The following CAMK2D variants were observed in gnomAD, a reference collection of about 807,000 sequenced individuals.
CAMK2D encodes the protein calcium/calmodulin dependent protein kinase II delta, also known as calcium/calmodulin-dependent protein kinase type II subunit delta.
In CAMK2D, 37 loss-of-function variants were observed where a neutral mutation model predicts 84.0. That is an observed-to-expected ratio of 0.44 (90% CI 0.34 to 0.58). CAMK2D has a LOEUF of 0.58. CAMK2D is among the 20% of genes least tolerant of loss of function. CAMK2D has a pLI of 0.02. For synonymous variants in CAMK2D, 202 were observed against 212.5 expected (o/e 0.95, Z 0.43); for missense variants, 448 against 652.5 (o/e 0.69, Z 3.41).
At chr4:113,469,036 T>C (rs1268820371) in intron 16 of CAMK2D, among the ~76,000 whole-genome samples, 1 of 152,234 alleles carries the variant, frequency 6.6e-6, no homozygotes, top group Non-Finnish European at 1.5e-5. Flanking sequence ...GTGGAATTAC[T>C]TTCCATGCAA....
At chr4:113,734,435 GGTA>G (rs955533297) in intron 2 of CAMK2D, among the ~76,000 whole-genome samples, 8 of 151,974 alleles carry the variant, frequency 5.3e-5, no homozygotes, top group African/African-American at 1.9e-4. Flanking sequence ...TACATTCTAA[GGTA>G]GTAGAATTTT....
intron 4 of CAMK2D, among the ~76,000 whole-genome samples, chr4:113,602,422 T>C (rs1418116940): frequency 6.6e-6 from 1 of 152,222 alleles, no homozygotes. Context: ...GATAAAGCTC[T>C]TTGCTTTCCC....
At chr4:113,578,244 C>T (rs954020345) in intron 4 of CAMK2D, among the ~76,000 whole-genome samples, 1 of 152,142 alleles carries the variant, frequency 6.6e-6, no homozygotes, top group Admixed American at 6.6e-5. Context: ...ACATTTCCCC[C>T]TTTATTCAAG....
intron 2 of CAMK2D, among the ~76,000 whole-genome samples, chr4:113,666,766 G>A (rs182729986): frequency 2.3e-3 from 355 of 152,228 alleles, no homozygotes; most frequent in Admixed American, 4.1e-3. Flanking sequence ...GTTGCCCATG[G>A]GAGCATGAAA....
intron 3 of CAMK2D, among the ~76,000 whole-genome samples, chr4:113,620,785 C>T (rs1391875623): frequency 6.6e-6 from 1 of 152,062 alleles, no homozygotes; most frequent in East Asian, 1.9e-4. Flanking sequence ...GGATTACAGG[C>T]GTAAGCCACC....
intron 2 of CAMK2D, among the ~76,000 whole-genome samples, chr4:113,735,578 TAATA>T (rs1214925333): frequency 6.6e-6 from 1 of 152,184 alleles, no homozygotes; most frequent in Non-Finnish European, 1.5e-5. Context: ...AGTGTTTTCA[TAATA>T]AATCATTTAA....
intron 4 of CAMK2D, among the ~76,000 whole-genome samples, chr4:113,587,961 A>C (rs1028880604): frequency 9.9e-5 from 15 of 152,202 alleles, no homozygotes; most frequent in African/African-American, 3.6e-4. Flanking sequence ...AAGAGCAGGC[A>C]GAAAATATTT....
chr4:113,595,480 A>G (rs1241682719), intron 4 of CAMK2D, among the ~76,000 whole-genome samples: 1 of 150,872 alleles, frequency 6.6e-6, no homozygotes, highest in African/African-American at 2.4e-5. Flanking sequence ...GTGTGTACTT[A>G]TGTATAAGTG....
intron 2 of CAMK2D, among the ~76,000 whole-genome samples, chr4:113,703,709 A>G (rs993521498): frequency 2.0e-5 from 3 of 152,190 alleles, no homozygotes; most frequent in African/African-American, 7.2e-5. Flanking sequence ...AAATGTTTGG[A>G]CTTTTAAAGA....
At chr4:113,705,100 G>C (rs1057001982) in intron 2 of CAMK2D, among the ~76,000 whole-genome samples, 1 of 151,448 alleles carries the variant, frequency 6.6e-6, no homozygotes, top group African/African-American at 2.4e-5. Flanking sequence ...CCAGCACTTT[G>C]GGAGGCCAGG....
At chr4:113,661,011 G>A (rs2099228817) in intron 3 of CAMK2D, among the ~76,000 whole-genome samples, 1 of 150,966 alleles carries the variant, frequency 6.6e-6, no homozygotes, top group Non-Finnish European at 1.5e-5. Flanking sequence ...TAGCCAGGAT[G>A]GTCTCCATCT....
intron 3 of CAMK2D, among the ~76,000 whole-genome samples, chr4:113,615,680 T>G (rs1046274932): frequency 6.6e-6 from 1 of 152,194 alleles, no homozygotes; most frequent in African/African-American, 2.4e-5. Flanking sequence ...TGCTGTTTTT[T>G]TGAAATAGAG....
chr4:113,593,314 A>G (rs1207651219), intron 4 of CAMK2D, among the ~76,000 whole-genome samples: 20 of 152,250 alleles, frequency 1.3e-4, no homozygotes, highest in Admixed American at 1.3e-3. Context: ...GTGAGTTTAC[A>G]GTGCAAACTG....
chr4:113,454,533 G>C lies in CAMK2D; in HGVS notation c.*30-18C>G. The C allele has an allele frequency of 1.3e-6, 1 of 777,748 alleles. No individual in the cohort carries two copies. The highest frequency in any genetic ancestry group is 2.4e-6 in the Non-Finnish European group (1 of 416,054). The allele number at this position is 777,748 out of a possible 1,614,324, so 48.2% of individuals were successfully genotyped here. ...AAATTTAGCTGAAAGGAGAAAGGGGGAGGAAGAAATAAATTATATTGTTTT... is the reference window on the plus strand; with the variant it reads ...AAATTTAGCTGAAAGGAGAAAGGGGCAGGAAGAAATAAATTATATTGTTTT... On this transcript the variant is annotated intron_variant, in intron 20 of 20. Coordinates refer to ENST00000511664, the MANE Select transcript of CAMK2D (RefSeq NM_001321571.2).
intron 4 of CAMK2D, among the ~76,000 whole-genome samples, chr4:113,601,871 C>CT (rs2098954712): frequency 6.6e-6 from 1 of 151,320 alleles, no homozygotes; most frequent in African/African-American, 2.4e-5. Context: ...ATTTTTAAAA[C>CT]TTTTTTGTAG....
At chr4:113,541,539 G>A (rs1419412394) in intron 6 of CAMK2D, among the ~76,000 whole-genome samples, 1 of 152,066 alleles carries the variant, frequency 6.6e-6, no homozygotes, top group Non-Finnish European at 1.5e-5. Flanking sequence ...TAGAAGATGT[G>A]CCATCTAAAA....
At chr4:113,601,950 C>G (rs932073776) in intron 4 of CAMK2D, among the ~76,000 whole-genome samples, 3 of 152,032 alleles carry the variant, frequency 2.0e-5, no homozygotes, top group African/African-American at 7.2e-5. Context: ...CCTGTCTCAG[C>G]CTCCCAAAGC....
At position 113,761,430 on chromosome 4, in the gene CAMK2D, C is replaced by A; in HGVS notation, c.-362G>T. ...AATGGAAAAACAGCCAGGCACGGGA[C>A]GAGTGGCAAGCAGTTGCGAAACGAT... is the stretch of plus-strand genomic sequence containing the variant. On this transcript the variant is annotated 5_prime_UTR_variant, in exon 1 of 21. Transcript: ENST00000511664. 2 of 1,189,786 alleles carry A rather than the reference C, an allele frequency of 1.7e-6. No homozygotes were observed. Among genetic ancestry groups the A allele is most frequent in the Admixed American group, 3.8e-5 (1 of 26,160 alleles). The allele number at this position is 1,189,786 out of a possible 1,614,324, so 73.7% of individuals were successfully genotyped here.
At position 113,491,892 on chromosome 4, in the gene CAMK2D, T is replaced by G. The variant is rs564890351; in HGVS notation, c.1135+8571A>C. On this transcript the variant is annotated intron_variant, in intron 16 of 20. Transcript: ENST00000511664. ...TGGGAGGGTGTATGTGTCCAGGAAT[T>G]TATCCATTTCTTCTAGATTTTCTAG... Among the ~76,000 whole-genome samples, 163 of 152,250 alleles carry G rather than the reference T, an allele frequency of 1.1e-3. 1 individual carries two copies. The highest frequency in any genetic ancestry group is 1.8e-3 in the Non-Finnish European group (125 of 67,998).
Sources: allele counts gnomAD v4.1 joint callset (sites outside exome capture counted in the v4.1 genomes callset), GRCh38; gene constraint gnomAD v4.1.1; transcripts MANE v1.5; gene names NCBI Gene and HGNC (gene_info 2026-07-23, HGNC 2026-07-21).